The following CELF4 variants were observed in gnomAD, a reference collection of about 807,000 sequenced individuals.
The protein encoded by CELF4 is CUGBP Elav-like family member 4, also known as CUG-BP- and ETR-3-like factor 4.
Under a neutral mutation model 59.9 loss-of-function variants are expected in CELF4, and 18 were observed. The ratio of observed to expected loss-of-function variants is 0.30; its 90% CI spans 0.21 to 0.45. CELF4 has a LOEUF of 0.45. Among genes scored for constraint, CELF4 ranks in the 20% least tolerant of loss-of-function variants. CELF4 has a pLI of 1.00. For synonymous variants in CELF4, 261 were observed against 267.1 expected, an observed-to-expected ratio of 0.98 and a Z score of 0.22; for missense variants, 456 against 689.0, an observed-to-expected ratio of 0.66 and a Z score of 3.79.
chr18:37,495,843 G>C (rs558015454), intron 1 of CELF4, among the ~76,000 whole-genome samples: 2 of 152,176 alleles, frequency 1.3e-5, no homozygotes, highest in South Asian at 2.1e-4. Context: ...TTGTGTGCAT[G>C]TGTGCTTGTG....
At chr18:37,403,499 A>C in intron 2 of CELF4, among the ~76,000 whole-genome samples, 1 of 152,082 alleles carries the variant, frequency 6.6e-6, no homozygotes, top group East Asian at 1.9e-4. Flanking sequence ...GCTGGAGTGG[A>C]GGGACAGGGC....
At chr18:37,544,004 G>C (rs774763469) in intron 1 of CELF4, among the ~76,000 whole-genome samples, 2 of 152,156 alleles carry the variant, frequency 1.3e-5, no homozygotes, top group Non-Finnish European at 2.9e-5. Flanking sequence ...TTGGCTTGGG[G>C]GAAGCAGGAG....
At chr18:37,316,132 G>C (rs1482331042) in intron 3 of CELF4, among the ~76,000 whole-genome samples, 1 of 152,088 alleles carries the variant, frequency 6.6e-6, no homozygotes, top group African/African-American at 2.4e-5. Flanking sequence ...CCCAGCATGG[G>C]GTCTTGGGGT....
At chr18:37,344,792 C>A (rs1158453646) in intron 2 of CELF4, among the ~76,000 whole-genome samples, 1 of 152,216 alleles carries the variant, frequency 6.6e-6, no homozygotes, top group Non-Finnish European at 1.5e-5. Context: ...TGACAGATGA[C>A]GGGAACGGCT....
chr18:37,464,062 G>T (rs565156854), intron 2 of CELF4, among the ~76,000 whole-genome samples: 14 of 152,290 alleles, frequency 9.2e-5, no homozygotes, highest in Admixed American at 7.8e-4. Context: ...CAGCCTTGTG[G>T]CGTATTTACA....
intron 2 of CELF4, among the ~76,000 whole-genome samples, chr18:37,345,769 G>A (rs531641741): frequency 3.4e-4 from 51 of 152,132 alleles, no homozygotes; most frequent in African/African-American, 6.7e-4. Context: ...AGGGAGGCTG[G>A]GGACCCCTGA....
chr18:37,427,037 C>G (rs868779834), intron 2 of CELF4, among the ~76,000 whole-genome samples: 275 of 123,220 alleles, frequency 2.2e-3, no homozygotes, highest in Non-Finnish European at 3.6e-3. Flanking sequence ...AGCAGGGACA[C>G]GGGGGGGGGG....
At chr18:37,431,547 T>C (rs895683455) in intron 2 of CELF4, among the ~76,000 whole-genome samples, 5 of 151,990 alleles carry the variant, frequency 3.3e-5, no homozygotes, top group African/African-American at 4.8e-5. Flanking sequence ...ATTTTTATAT[T>C]TTTAGTAGAG....
intron 2 of CELF4, among the ~76,000 whole-genome samples, chr18:37,471,873 C>T (rs2099834051): frequency 6.6e-6 from 1 of 152,196 alleles, no homozygotes; most frequent in Non-Finnish European, 1.5e-5. Flanking sequence ...CTGCTGGATG[C>T]CAGCTGTCAG....
rs1268131569 is a variant in CELF4 at position 37,270,899 on chromosome 18, C to G, written c.968G>C (p.Gly323Ala). The G allele has an allele frequency of 6.2e-7, 1 of 1,609,750 alleles. No individual in the cohort carries two copies. The highest frequency in any genetic ancestry group is 2.2e-5 in the East Asian group (1 of 44,740). Residue 323 changes from glycine (G) to alanine (A), a missense_variant, in exon 8 of 13, where the codon GGC becomes GCC. Transcript: ENST00000420428. The part of the protein sequence containing the change: ...TPTSGGSTPP[G>A]ITAPAVPSIP... ...GCTAGGCACGGCTGGTGCAGTGATG[C>G]CCGGAGGGGTGCTGCCACCTGGTTC...
At chr18:37,523,463 G>A in intron 1 of CELF4, among the ~76,000 whole-genome samples, 1 of 152,128 alleles carries the variant, frequency 6.6e-6, no homozygotes, top group East Asian at 1.9e-4. Context: ...TGAGCCACAT[G>A]CCTGTAATCC....
At chr18:37,420,097 C>T (rs916761119) in intron 2 of CELF4, among the ~76,000 whole-genome samples, 1 of 152,162 alleles carries the variant, frequency 6.6e-6, no homozygotes, top group Non-Finnish European at 1.5e-5. Flanking sequence ...CCATCCAAGC[C>T]CTGGCCTAAA....
intron 2 of CELF4, among the ~76,000 whole-genome samples, chr18:37,453,122 G>A (rs960629125): frequency 3.3e-5 from 5 of 152,240 alleles, no homozygotes; most frequent in African/African-American, 9.6e-5. Context: ...TACCTGGAAT[G>A]GCCCCCTCCT....
chr18:37,320,897 G>A (rs2097092748), intron 3 of CELF4, among the ~76,000 whole-genome samples: 2 of 152,144 alleles, frequency 1.3e-5, no homozygotes, highest in South Asian at 4.1e-4. Context: ...TATCACTGGG[G>A]CAGTTTGTTG....
intron 2 of CELF4, among the ~76,000 whole-genome samples, chr18:37,365,575 T>C (rs1017063266): frequency 2.1e-5 from 3 of 146,228 alleles, no homozygotes; most frequent in Non-Finnish European, 3.0e-5. Context: ...AACTTCTGCC[T>C]CCTGGGTTCA....
chr18:37,355,405 G>A (rs990663210), intron 2 of CELF4, among the ~76,000 whole-genome samples: 2 of 152,192 alleles, frequency 1.3e-5, no homozygotes, highest in African/African-American at 2.4e-5. Context: ...TGGTGCAGTG[G>A]CTAACGTCTG....
intron 2 of CELF4, among the ~76,000 whole-genome samples, chr18:37,399,936 C>T (rs1057128796): frequency 1.3e-5 from 2 of 152,164 alleles, no homozygotes; most frequent in African/African-American, 2.4e-5. Context: ...TGATTTAGGT[C>T]CACTGGGAGA....
chr18:37,264,863 A>C, intron 9 of CELF4, 106 bp from the exon 10 acceptor site: 2 of 921,184 alleles, frequency 2.2e-6, no homozygotes, highest in Non-Finnish European at 3.4e-6. Flanking sequence ...TCAGCCAAAA[A>C]GCGCCCTGCC....
intron 2 of CELF4, among the ~76,000 whole-genome samples, chr18:37,398,184 C>T (rs868308864): frequency 3.3e-5 from 5 of 152,156 alleles, no homozygotes; most frequent in South Asian, 4.1e-4. Context: ...TAGCCTGTGA[C>T]CCCTTCCCCC....
Sources: gnomAD v4.1 joint callset for allele counts (sites outside exome capture counted in the v4.1 genomes callset) on GRCh38, gnomAD v4.1.1 for gene constraint, MANE v1.5 for transcripts, NCBI Gene and HGNC (gene_info 2026-07-23, HGNC 2026-07-21) for gene names.